ARHGAP6: variants seen among roughly 807,000 people sequenced by gnomAD.
ARHGAP6 encodes Rho GTPase activating protein 6.
A neutral mutation model predicts 55.7 loss-of-function variants in ARHGAP6; 16 were observed. That is an observed-to-expected ratio of 0.29 (90% CI 0.19 to 0.44). The LOEUF (loss-of-function observed/expected upper bound fraction) is 0.44, where lower values mean the gene tolerates loss of function less well. ARHGAP6 is among the 20% of genes least tolerant of loss of function. The probability of loss-of-function intolerance (pLI) is 1.00; values close to 1 mark genes in which losing one functional copy is unlikely to be tolerated. For synonymous variants in ARHGAP6, 382 were observed against 360.9 expected, an observed-to-expected ratio of 1.06 and a Z score of -0.66; for missense variants, 698 against 808.9, an observed-to-expected ratio of 0.86 and a Z score of 1.66.
intron 1 of ARHGAP6, among the ~76,000 whole-genome samples, chrX:11,382,352 G>T (rs1043607155): frequency 9.0e-6 from 1 of 111,213 alleles, no homozygotes; most frequent in Admixed American, 9.6e-5. Context: ...TAGATATAAA[G>T]GTTATTGGTA....
At chrX:11,422,968 T>C (rs990852787) in intron 1 of ARHGAP6, among the ~76,000 whole-genome samples, 1 of 111,759 alleles carries the variant, frequency 8.9e-6, no homozygotes, top group East Asian at 2.8e-4. Flanking sequence ...AAAGTAAGCA[T>C]GCCAGGTTGG....
At chrX:11,212,586 C>T (rs1384579068) in intron 2 of ARHGAP6, among the ~76,000 whole-genome samples, 2 of 112,177 alleles carry the variant, frequency 1.8e-5, no homozygotes, top group African/African-American at 3.2e-5. Context: ...TCACACTGAC[C>T]CAGTCTAATT....
intron 1 of ARHGAP6, among the ~76,000 whole-genome samples, chrX:11,514,775 T>C (rs1405225674): frequency 9.1e-6 from 1 of 110,155 alleles, no homozygotes; most frequent in Admixed American, 9.8e-5. Context: ...TTCTTGATAA[T>C]TACTGTACAA....
intron 8 of ARHGAP6, among the ~76,000 whole-genome samples, chrX:11,175,036 G>C (rs1446180324): frequency 9.0e-6 from 1 of 111,279 alleles, no homozygotes; most frequent in Non-Finnish European, 1.9e-5. Context: ...AGGAATTGCT[G>C]TTGTCCATAT....
intron 1 of ARHGAP6, among the ~76,000 whole-genome samples, chrX:11,661,029 T>C (rs1348329412): frequency 8.9e-6 from 1 of 112,035 alleles, no homozygotes; most frequent in Non-Finnish European, 1.9e-5. Flanking sequence ...GAAATGCGTA[T>C]GCTCAAGAAA....
chrX:11,469,215 A>G (rs1488649848), intron 1 of ARHGAP6, among the ~76,000 whole-genome samples: 1 of 112,859 alleles, frequency 8.9e-6, no homozygotes, highest in East Asian at 2.8e-4. Context: ...TTAAGAAACT[A>G]TGTCAGAATT....
intron 1 of ARHGAP6, among the ~76,000 whole-genome samples, chrX:11,517,363 C>T (rs2050852897): frequency 9.0e-6 from 1 of 111,626 alleles, no homozygotes; most frequent in Non-Finnish European, 1.9e-5. Context: ...CCTTTTTGTG[C>T]ATGGAACTTC....
At chrX:11,587,547 G>C (rs1451481717) in intron 1 of ARHGAP6, among the ~76,000 whole-genome samples, 2 of 111,828 alleles carry the variant, frequency 1.8e-5, no homozygotes, top group African/African-American at 6.5e-5. Context: ...TGGTATAGAA[G>C]GATGGAAGAT....
intron 1 of ARHGAP6, among the ~76,000 whole-genome samples, chrX:11,633,596 C>A (rs957057255): frequency 8.9e-6 from 1 of 111,982 alleles, no homozygotes; most frequent in Non-Finnish European, 1.9e-5. Context: ...TTACTGAGCA[C>A]CTGCTTTGTG....
At chrX:11,401,783 A>G (rs2049552153) in intron 1 of ARHGAP6, among the ~76,000 whole-genome samples, 1 of 112,384 alleles carries the variant, frequency 8.9e-6, no homozygotes, top group Admixed American at 9.5e-5. Flanking sequence ...ATTTGACATT[A>G]CCAAAACTCA....
chrX:11,263,053 T>A (rs1265707154), intron 1 of ARHGAP6, among the ~76,000 whole-genome samples: 1 of 110,815 alleles, frequency 9.0e-6, no homozygotes, highest in Admixed American at 9.6e-5. Context: ...TGGATGTTTG[T>A]CCCCTCCAAA....
chrX:11,658,808 G>A (rs139054455), intron 1 of ARHGAP6, among the ~76,000 whole-genome samples: 30 of 108,156 alleles, frequency 2.8e-4, no homozygotes, highest in Non-Finnish European at 1.5e-4. Context: ...TATACAGGGC[G>A]TCTCAACCTC....
Position 11,523,931 on chromosome X carries a change from T to C in ARHGAP6, c.588+140310A>G, listed in dbSNP as rs190286781. Among the ~76,000 whole-genome samples, 65 of 111,944 alleles carry C rather than the reference T, an allele frequency of 5.8e-4. No homozygotes were observed. In the East Asian group the frequency reaches 0.014, roughly 25 times the overall value. ...GTTTATAAGCAGGCTCTGACACTTA[T>C]TGTGTATTTTAGAGAAATTATTTAA... is the stretch of plus-strand genomic sequence containing the variant. On this transcript the variant is annotated intron_variant, in intron 1 of 12. Transcript: ENST00000337414.
intron 1 of ARHGAP6, among the ~76,000 whole-genome samples, chrX:11,568,753 T>C (rs1366483025): frequency 1.1e-5 from 1 of 93,636 alleles, no homozygotes; most frequent in Non-Finnish European, 2.1e-5. Flanking sequence ...TGAGATACTA[T>C]CTCAAAAAAA....
chrX:11,480,062 A>C (rs909039944), intron 1 of ARHGAP6, among the ~76,000 whole-genome samples: 1 of 111,591 alleles, frequency 9.0e-6, no homozygotes, highest in Non-Finnish European at 1.9e-5. Context: ...TGAGCTCTTA[A>C]TTGTTCTCAC....
intron 1 of ARHGAP6, among the ~76,000 whole-genome samples, chrX:11,636,788 T>C (rs2052424553): frequency 8.9e-6 from 1 of 111,966 alleles, no homozygotes; most frequent in African/African-American, 3.2e-5. Flanking sequence ...TTCAGTATAA[T>C]GTGAAACTCG....
At chrX:11,323,040 T>C (rs2048453090) in intron 1 of ARHGAP6, among the ~76,000 whole-genome samples, 1 of 112,494 alleles carries the variant, frequency 8.9e-6, no homozygotes, top group Non-Finnish European at 1.9e-5. Flanking sequence ...ATATTAGTTA[T>C]CAGAAATACC....
At chrX:11,149,584 C>T (rs773178525) in intron 10 of ARHGAP6, among the ~76,000 whole-genome samples, 2 of 111,444 alleles carry the variant, frequency 1.8e-5, no homozygotes, top group African/African-American at 6.5e-5. Context: ...GATTTCTTGT[C>T]TGAAAATTTC....
At chrX:11,527,011 AGTGTGTGTGTGTGTGTGTGTGTGTGT>A in intron 1 of ARHGAP6, among the ~76,000 whole-genome samples, 1 of 81,060 alleles carries the variant, frequency 1.2e-5, no homozygotes, top group South Asian at 7.5e-4. Flanking sequence ...TAATATGAGG[AGTGTGTGTGTGTGTGTGTGTGTGTGT>A]GTGTGTGTGT....
Sources: allele counts gnomAD v4.1 joint callset (sites outside exome capture counted in the v4.1 genomes callset), GRCh38; gene constraint gnomAD v4.1.1; transcripts MANE v1.5; gene names NCBI Gene and HGNC (gene_info 2026-07-23, HGNC 2026-07-21).